The following COL2A1 variants were observed in gnomAD, a reference collection of about 807,000 sequenced individuals.
The protein encoded by COL2A1 is collagen alpha-1(II) chain.
COL2A1 carries 28 observed loss-of-function variants against 204.5 expected under a neutral mutation model. The observed-to-expected ratio is 0.14, with a 90% confidence interval of 0.10 to 0.19. COL2A1 has a LOEUF of 0.19. Among genes scored for constraint, COL2A1 ranks in the 10% least tolerant of loss-of-function variants. The pLI, the probability that COL2A1 is intolerant of heterozygous loss-of-function variation, is 1.00. For synonymous variants in COL2A1, 708 were observed against 718.7 expected (o/e 0.99, Z 0.24); for missense variants, 1,388 against 2,027.5 (o/e 0.68, Z 6.06).
intron 13 of COL2A1, 55 bp downstream of exon 13, chr12:47,993,939 T>C (rs1592229996): frequency 3.1e-6 from 5 of 1,612,580 alleles, no homozygotes; most frequent in East Asian, 4.5e-5. Context: ...CCCAAAGTGC[T>C]TTTCTCTCCC....
intron 12 of COL2A1, 110 bp from the exon 13 acceptor site, chr12:47,994,157 G>A (rs945412146): frequency 8.8e-6 from 11 of 1,250,358 alleles, no homozygotes; most frequent in African/African-American, 7.4e-5. Context: ...GCGTTGTCTC[G>A]AATCCCCACA....
chr12:47,989,308 G>C lies in COL2A1; in HGVS notation c.1069-27C>G, dbSNP rs776049287. On this transcript the variant is annotated intron_variant, in intron 17 of 53. Coordinates refer to ENST00000380518, the MANE Select transcript of COL2A1 (RefSeq NM_001844.5). ...TGGAGAGAGTAGGCGGATGAGAAGA[G>C]AGGTGAATGCCAGTTCTGGCCTCCA... 4 of 1,605,950 alleles carry C rather than the reference G, an allele frequency of 2.5e-6. No homozygotes were observed. The South Asian group carries it at 4.5e-5, about 18-fold the overall frequency.
intron 10 of COL2A1, 21 bp from the exon 11 acceptor site, chr12:47,995,329 T>TTCCC (rs772565973): frequency 3.7e-6 from 6 of 1,606,276 alleles, no homozygotes; most frequent in Admixed American, 3.3e-5. Context: ...AGGAAGATAG[T>TTCCC]TTAAGAGATG....
chr12:47,980,859 T>TG lies in COL2A1; in HGVS notation c.2517+55dup, dbSNP rs1438965924. ...GACAAGCTCCGATGCCCGAGGGTGC[T>TG]GGATGTGGAACTGGCCTGAGTGGAG... is the stretch of plus-strand genomic sequence containing the variant. On this transcript the variant is annotated intron_variant, in intron 38 of 53. Coordinates refer to ENST00000380518, the MANE Select transcript of COL2A1 (RefSeq NM_001844.5). This position sits in a 1 kb window ranked among gnomAD's most constrained non-coding sequence, Gnocchi z 4.5. 4 of 1,542,772 alleles carry TG rather than the reference T, an allele frequency of 2.6e-6. No homozygotes were observed. The highest frequency in any genetic ancestry group is 3.5e-6 in the Non-Finnish European group (4 of 1,138,922).
chr12:47,975,275 T>G (rs749114983), intron 51 of COL2A1, 42 bp downstream of exon 51: 5 of 1,610,694 alleles, frequency 3.1e-6, no homozygotes, highest in Non-Finnish European at 4.2e-6. Context: ...AAGGGATGAC[T>G]CCCTGCTTCC....
In COL2A1 at chr12:47,984,808, C is replaced by T. The variant is rs140231148; in HGVS notation, c.1833+187G>A. ...TGGAACAATTATGGCCGCAATGCCC[C>T]GAGGCTCTGTGGGGCCATGGATTTT... On this transcript the variant is annotated intron_variant, in intron 27 of 53. Coordinates refer to ENST00000380518, the MANE Select transcript of COL2A1 (RefSeq NM_001844.5). Among the ~76,000 whole-genome samples, 9 of 152,332 alleles carry T rather than the reference C, an allele frequency of 5.9e-5. No individual in the cohort carries two copies. The South Asian group carries it at 1.2e-3, about 21-fold the overall frequency.
chr12:47,996,702 G>T, intron 7 of COL2A1, 77 bp from the exon 8 acceptor site: 3 of 1,111,944 alleles, frequency 2.7e-6, no homozygotes, highest in South Asian at 1.2e-5. Context: ...GCTCTATATG[G>T]ATACAAAGAA....
chr12:47,980,496 T>C lies in COL2A1; in HGVS notation c.2625+58A>G. 1.4e-6 allele frequency: 2 copies of C among 1,464,876 alleles called. No homozygotes were observed. The highest frequency in any genetic ancestry group is 3.9e-5 in the Admixed American group (2 of 51,692). 90.7% of individuals were successfully genotyped at this position (1,464,876 alleles called of 1,614,324 possible). ...TGCGCAGCCTGCTGGGGCCTTCCCA[T>C]CTGCACGCCAGGAGCCCTTCCTTGA... is the stretch of plus-strand genomic sequence containing the variant. On this transcript the variant is annotated intron_variant, in intron 39 of 53. Coordinates refer to ENST00000380518, the MANE Select transcript of COL2A1 (RefSeq NM_001844.5). This position sits in a 1 kb window ranked among gnomAD's most constrained non-coding sequence, Gnocchi z 4.5.
chr12:48,002,232 G>C lies in COL2A1; in HGVS notation c.85+2005C>G, dbSNP rs41272783. On this transcript the variant is annotated intron_variant, in intron 1 of 53. Coordinates refer to ENST00000380518, the MANE Select transcript of COL2A1 (RefSeq NM_001844.5). ...AAAGGAGGATTGAGATCTCTCCCCT[G>C]AGCCAGGGGCACTTTCGGAGGCGAG... Among the ~76,000 whole-genome samples the C allele has an allele frequency of 4.5e-3, 689 of 152,290 alleles. 8 individuals carry two copies. Among genetic ancestry groups the C allele is most frequent in the African/African-American group, 0.015 (643 of 41,558 alleles).
chr12:47,975,165 G>C, intron 51 of COL2A1, 152 bp downstream of exon 51: 1 of 1,078,576 alleles, frequency 9.3e-7, no homozygotes, highest in Non-Finnish European at 1.3e-6. Flanking sequence ...CAGGGCTGCA[G>C]CTTCTCTGCT....
chr12:47,974,069 T>C lies in COL2A1; in HGVS notation c.4317+20A>G. 1.2e-6 allele frequency: 2 copies of C among 1,614,090 alleles called. No homozygotes were observed. The highest frequency in any genetic ancestry group is 2.2e-5 in the South Asian group (2 of 91,072). ...GCGGTTTGGGCACAGGCAGCTCTTC[T>C]CTCTGGCAGCCCCACTCACCGTGCA... is the stretch of plus-strand genomic sequence containing the variant. On this transcript the variant is annotated intron_variant, in intron 53 of 53. Coordinates refer to ENST00000380518, the MANE Select transcript of COL2A1 (RefSeq NM_001844.5).
At position 47,973,518 on chromosome 12, in the gene COL2A1, C is replaced by T; in HGVS notation, c.4353G>A (p.Glu1451=). Residue 1451 remains glutamate, a synonymous_variant, in exon 54 of 54, where the codon GAG becomes GAA. Coordinates refer to ENST00000380518, the MANE Select transcript of COL2A1 (RefSeq NM_001844.5). ...GGCGTGAGGTCTTCTGTGACCGGTA[C>T]TCGATAACAGTCTTGCCCCACTTAC... The part of the protein sequence containing the change: ...HTGKWGKTVI[E]YRSQKTSRLP... The T allele has an allele frequency of 1.2e-6, 2 of 1,614,128 alleles. No individual in the cohort carries two copies. The highest frequency in any genetic ancestry group is 1.7e-6 in the Non-Finnish European group (2 of 1,180,020).
chr12:47,986,113 G>A, intron 23 of COL2A1, 148 bp from the exon 24 acceptor site: 2 of 860,062 alleles, frequency 2.3e-6, no homozygotes, highest in Non-Finnish European at 3.8e-6. Flanking sequence ...AACTTCTGGA[G>A]CCTGCCCCGC....
chr12:47,999,731 T>C, intron 2 of COL2A1, 188 bp downstream of exon 2: 1 of 570,882 alleles, frequency 1.8e-6, no homozygotes, highest in East Asian at 3.3e-5. Flanking sequence ...ACCCCTCTAG[T>C]GTCTCAGGCT....
intron 1 of COL2A1, chr12:48,002,478 G>A (rs1287016321): frequency 6.6e-6 from 1 of 152,138 alleles, no homozygotes; most frequent in Non-Finnish European, 1.5e-5. Flanking sequence ...TCAGCCTCTC[G>A]GATGCAGAAT....
At position 47,976,235 on chromosome 12, in the gene COL2A1, C is replaced by G. The variant is rs545968052; in HGVS notation, c.3490-165G>C. Among the ~76,000 whole-genome samples the G allele has an allele frequency of 2.0e-5, 3 of 152,358 alleles. No individual in the cohort carries two copies. The highest frequency in any genetic ancestry group is 4.1e-4 in the South Asian group (2 of 4,834). ...AGTTGGTCTCTATTTGGCCAAGAACCAGCAGGATAGCTCCATGGCTTGCCT... is the reference window on the plus strand; with the variant it reads ...AGTTGGTCTCTATTTGGCCAAGAACGAGCAGGATAGCTCCATGGCTTGCCT... On this transcript the variant is annotated intron_variant, in intron 49 of 53. Coordinates refer to ENST00000380518, the MANE Select transcript of COL2A1 (RefSeq NM_001844.5). The surrounding 1 kb of genome is among the most constrained non-coding windows in gnomAD (Gnocchi z 4.3).
intron 27 of COL2A1, 130 bp downstream of exon 27, chr12:47,984,865 C>CCATG: frequency 1.2e-6 from 1 of 844,896 alleles, no homozygotes; most frequent in South Asian, 1.4e-5. Flanking sequence ...CCACTGCCAC[C>CCATG]CATGGCACAG....
intron 1 of COL2A1, chr12:48,004,006 T>G (rs375363475): frequency 8.9e-6 from 5 of 563,018 alleles, no homozygotes; most frequent in African/African-American, 7.6e-5. Flanking sequence ...CGTAGGGACC[T>G]GCAAATACTT....
At chr12:47,973,993 T>A in intron 53 of COL2A1, 96 bp downstream of exon 53, 1 of 1,577,884 alleles carries the variant, frequency 6.3e-7, no homozygotes, top group Non-Finnish European at 8.7e-7. Flanking sequence ...GATGATCCTG[T>A]CACTTTAGGA....
Sources: allele counts gnomAD v4.1 joint callset (sites outside exome capture counted in the v4.1 genomes callset), GRCh38; gene constraint gnomAD v4.1.1; non-coding constraint Gnocchi (gnomAD v3.1); transcripts MANE v1.5; gene names NCBI Gene and HGNC (gene_info 2026-07-23, HGNC 2026-07-21).